ZNF747: variants seen among roughly 807,000 people sequenced by gnomAD.
ZNF747 encodes zinc finger protein 747, also known as KRAB domain-containing protein ZNF747.
In ZNF747, 14 loss-of-function variants were observed where a neutral mutation model predicts 13.4. The ratio of observed to expected loss-of-function variants is 1.04; its 90% CI spans 0.69 to 1.63. The LOEUF (loss-of-function observed/expected upper bound fraction) is 1.63. ZNF747 is among the 40% of genes most tolerant of loss of function. The probability of loss-of-function intolerance (pLI) is 0.00; values close to 1 mark genes in which losing one functional copy is unlikely to be tolerated. For synonymous variants in ZNF747, 212 were observed against 206.5 expected, an observed-to-expected ratio of 1.03 and a Z score of -0.23; for missense variants, 532 against 477.9, an observed-to-expected ratio of 1.11 and a Z score of -1.05.
Position 30,533,015 on chromosome 16 carries a change from C to T in ZNF747, c.480G>A (p.Lys160=). 11 of 1,611,878 alleles carry T rather than the reference C, an allele frequency of 6.8e-6. No individual in the cohort carries two copies. The highest frequency in any genetic ancestry group is 7.6e-6 in the Non-Finnish European group (9 of 1,179,858). The change falls in exon 3 of 3, where the codon AAG becomes AAA. Residue 160 remains lysine (K), a synonymous_variant. Coordinates refer to ENST00000693075, the MANE Select transcript of ZNF747 (RefSeq NM_001305018.2). ...APFAGLEQLS[K]ARRRSRPRFF... ...AGCGGGGGCGACTCCGGCGCCGGGC[C>T]TTGGACAGCTGCTCCAACCCGGCAA...
chr16:30,533,196 C>T (rs150221009), intron 2 of ZNF747, 45 bp from the exon 3 acceptor site: 83 of 1,610,880 alleles, frequency 5.2e-5, no homozygotes, highest in Non-Finnish European at 7.0e-5. Flanking sequence ...TCATCCTGGT[C>T]ATTGAATCCC....
In ZNF747 at chr16:30,532,417, C is replaced by G; in HGVS notation, c.*82G>C. On this transcript the variant is annotated 3_prime_UTR_variant, in exon 3 of 3. Coordinates refer to ENST00000693075, the MANE Select transcript of ZNF747 (RefSeq NM_001305018.2). Reference sequence around the variant, plus strand: ...GCTCTTGCGGTGGATTCTGGGACCTCCCTGCAGGCCGCTGCAGAGGTTCGG... The same window carrying G: ...GCTCTTGCGGTGGATTCTGGGACCTGCCTGCAGGCCGCTGCAGAGGTTCGG... The G allele has an allele frequency of 6.8e-7, 1 of 1,480,746 alleles. No homozygotes were observed. The highest frequency in any genetic ancestry group is 1.8e-4 in the Middle Eastern group (1 of 5,680). The allele number at this position is 1,480,746 out of a possible 1,614,324, so 91.7% of individuals were successfully genotyped here. A position where few individuals can be genotyped will look rare whatever the true frequency, so the allele number is the denominator to read the frequency against.
chr16:30,534,239 G>A lies in ZNF747; in HGVS notation c.301C>T (p.Gln101Ter), dbSNP rs757082944. ...EKAELWDPAA[Q>*]DPEVAKCPTE... ...GGACACTTCGCCACCTCCGGATCCT[G>A]GGCAGCCGGATCCCACAGTTCGGCC... is the stretch of plus-strand genomic sequence containing the variant. Residue 101 changes from glutamine (Q) to a stop codon, truncating the protein, a stop_gained, in exon 2 of 3, where the codon CAG becomes TAG. Coordinates refer to ENST00000693075, the MANE Select transcript of ZNF747 (RefSeq NM_001305018.2). LOFTEE classifies it low-confidence loss of function (END_TRUNC). The A allele has an allele frequency of 2.5e-6, 4 of 1,606,930 alleles. No individual in the cohort carries two copies. The highest frequency in any genetic ancestry group is 1.1e-5 in the South Asian group (1 of 89,614).
At position 30,532,708 on chromosome 16, in the gene ZNF747, C is replaced by A; in HGVS notation, c.787G>T (p.Glu263Ter). The A allele has an allele frequency of 6.5e-7, 1 of 1,539,260 alleles. No homozygotes were observed. Among genetic ancestry groups the A allele is most frequent in the East Asian group, 2.4e-5 (1 of 40,932 alleles). Residue 263 changes from glutamate to a stop codon, truncating the protein, a stop_gained, in exon 3 of 3, where the codon GAG (glutamate) becomes TAG (stop). Coordinates refer to ENST00000693075, the MANE Select transcript of ZNF747 (RefSeq NM_001305018.2). LOFTEE classifies it low-confidence loss of function (END_TRUNC). ...CACTGCGGGCAGCGGTAGGGCTTCT[C>A]GCCAGTGTGAACGCGCAGGTGAGAA... ...LTSHLRVHTGEKPYRCPQCGR... is the reference protein window; with the variant it reads ...LTSHLRVHTG
Position 30,532,524 on chromosome 16 carries a change from G to T in ZNF747, c.971C>A (p.Pro324Gln). The change falls in exon 3 of 3, where the codon CCA (proline) becomes CAA (glutamine). Residue 324 changes from proline to glutamine, a missense_variant. By Grantham distance (76) the Pro-to-Gln change is moderately conservative. Coordinates refer to ENST00000693075, the MANE Select transcript of ZNF747 (RefSeq NM_001305018.2). Reference sequence around the variant, plus strand: ...TCACCCACATTCCTGGAATATCTCTGGATACAGCTGGAAGCCCACAGGCGG... The same window carrying T: ...TCACCCACATTCCTGGAATATCTCTTGATACAGCTGGAAGCCCACAGGCGG... ...LDPPVGFQLY[P>Q]EIFQECG is the part of the protein sequence containing the mutation. 1 of 1,605,888 alleles carries T rather than the reference G, an allele frequency of 6.2e-7. No individual in the cohort carries two copies.
chr16:30,533,751 T>TA (rs544579318), intron 2 of ZNF747, among the ~76,000 whole-genome samples: 3,434 of 109,836 alleles, frequency 0.031, 202 homozygotes, highest in Admixed American at 0.17. Context: ...TTTTTTTAAT[T>TA]AAAAAAAAAA....
rs1390787394 is a variant in ZNF747 at position 30,534,493 on chromosome 16, GGTACAGGGCCCTCT to G, written c.173_186del (p.Gln58ProfsTer117). On this transcript the variant is annotated frameshift_variant, in exon 1 of 3. Transcript: ENST00000693075. LOFTEE classifies it high-confidence loss of function. ...CCGTAGGTCTCCCGCATCACGTCCC[GGTACAGGGCCCTCT>G]GCGCGGGCCGCAGGCAGCCCCACTC... 4 of 1,608,396 alleles carry G rather than the reference GGTACAGGGCCCTCT, an allele frequency of 2.5e-6. No homozygotes were observed. The highest frequency in any genetic ancestry group is 3.4e-6 in the Non-Finnish European group (4 of 1,177,804).
intron 2 of ZNF747, 77 bp from the exon 3 acceptor site, chr16:30,533,228 A>G: frequency 4.4e-6 from 7 of 1,587,612 alleles, no homozygotes; most frequent in Non-Finnish European, 6.0e-6. Context: ...GGACAGGGAC[A>G]GGCCTGCTGG....
Position 30,534,266 on chromosome 16 carries a change from T to C in ZNF747, c.274A>G (p.Lys92Glu), listed in dbSNP as rs374310387. 811 of 1,598,566 alleles carry C rather than the reference T, an allele frequency of 5.1e-4. 2 individuals carry two copies. Among genetic ancestry groups the C allele is most frequent in the Non-Finnish European group, 6.6e-4 (770 of 1,173,044 alleles). ...KPALISWVEE[K>E]AELWDPAAQD... The stretch of plus-strand genomic sequence containing the variant: ...GCAGCCGGATCCCACAGTTCGGCCT[T>C]CTCCTCCACCCAGGAGATGAGCGCC... Residue 92 changes from lysine (K) to glutamate (E), a missense_variant, in exon 2 of 3, where the codon AAG becomes GAG. Coordinates refer to ENST00000693075, the MANE Select transcript of ZNF747 (RefSeq NM_001305018.2).
chr16:30,530,507 A>G lies in ZNF747; in HGVS notation c.*1992T>C, dbSNP rs991539254. On this transcript the variant is annotated 3_prime_UTR_variant, in exon 3 of 3. Transcript: ENST00000693075. This position sits in a 1 kb window ranked among gnomAD's most constrained non-coding sequence, Gnocchi z 4.4. ...GTTAGGGGAGGGGACTGAGATGTACACTGGAAATTAAAACCTGGTACAAAG... is the reference window on the plus strand; with the variant it reads ...GTTAGGGGAGGGGACTGAGATGTACGCTGGAAATTAAAACCTGGTACAAAG... 1.3e-5 allele frequency: 2 copies of G among 152,138 alleles called. No individual in the cohort carries two copies. Among genetic ancestry groups the G allele is most frequent in the Non-Finnish European group, 2.9e-5 (2 of 68,054 alleles). The allele number at this position is 152,138 out of a possible 1,614,324, so 9.4% of individuals were successfully genotyped here.
At chr16:30,533,881 C>G (rs758612855) in intron 2 of ZNF747, among the ~76,000 whole-genome samples, 88 of 152,152 alleles carry the variant, frequency 5.8e-4, no homozygotes, top group Non-Finnish European at 1.2e-3. Context: ...CTGCAGTGAG[C>G]TATGATGGCG....
chr16:30,534,289 G>A lies in ZNF747; in HGVS notation c.251C>T (p.Ala84Val), dbSNP rs774614314. Residue 84 changes from alanine to valine, a missense_variant, in exon 2 of 3, where the codon GCG (alanine) becomes GTG (valine). Physicochemically the swap from Ala to Val is moderately conservative, Grantham distance 64 (BLOSUM62 0). Transcript: ENST00000693075. ...GALGVGGSKP[A>V]LISWVEEKAE... ...CTTCTCCTCCACCCAGGAGATGAGC[G>A]CCGGCTTGCTGCCTCCGACTCCTGG... is the stretch of plus-strand genomic sequence containing the variant. The A allele has an allele frequency of 6.3e-7, 1 of 1,584,634 alleles. No homozygotes were observed. The highest frequency in any genetic ancestry group is 1.1e-5 in the South Asian group (1 of 87,140).
At position 30,532,936 on chromosome 16, in the gene ZNF747, A is replaced by C. The variant is rs2051399991; in HGVS notation, c.559T>G (p.Cys187Gly). 1.2e-6 allele frequency: 2 copies of C among 1,605,560 alleles called. No homozygotes were observed. Among genetic ancestry groups the C allele is most frequent in the Admixed American group, 1.7e-5 (1 of 59,322 alleles). The change falls in exon 3 of 3, where the codon TGC becomes GGC. Residue 187 changes from cysteine to glycine, a missense_variant. By Grantham distance (159) the Cys-to-Gly change is radical. Transcript: ENST00000693075. ...GAGCGCCAGGCGAAGCTCTTCCCGCACACGTAGCAGCCGTGACGCTGGTCA... is the reference window on the plus strand; with the variant it reads ...GAGCGCCAGGCGAAGCTCTTCCCGCCCACGTAGCAGCCGTGACGCTGGTCA... ...RADQRHGCYV[C>G]GKSFAWRSTL...
In ZNF747 at chr16:30,534,599, C is replaced by G; in HGVS notation, c.81G>C (p.Ala27=). The G allele has an allele frequency of 2.5e-6, 4 of 1,599,350 alleles. No homozygotes were observed. Among genetic ancestry groups the G allele is most frequent in the Admixed American group, 1.7e-5 (1 of 58,668 alleles). Residue 27 remains alanine (A), a synonymous_variant, in exon 1 of 3, where the codon GCG becomes GCC. Coordinates refer to ENST00000693075, the MANE Select transcript of ZNF747 (RefSeq NM_001305018.2). ...APLPPRDPNG[A]GSEWRKPGAV... is the part of the protein sequence containing the mutation. ...CCCCGGGCTTTCTCCACTCGGATCC[C>G]GCCCCGTTTGGGTCCCGGGGAGGGA... is the stretch of plus-strand genomic sequence containing the variant.
intron 2 of ZNF747, 33 bp from the exon 3 acceptor site, chr16:30,533,184 G>C (rs781193353): frequency 1.2e-5 from 20 of 1,611,590 alleles, no homozygotes; most frequent in Admixed American, 6.7e-5. Context: ...TTCAGGCTTG[G>C]CTCATCCTGG....
In ZNF747 at chr16:30,534,780, G is replaced by A. The variant is rs1396163887; in HGVS notation, c.-101C>T. 4.2e-6 allele frequency: 6 copies of A among 1,429,168 alleles called. No homozygotes were observed. Among genetic ancestry groups the A allele is most frequent in the Non-Finnish European group, 5.5e-6 (6 of 1,091,696 alleles). The allele number at this position is 1,429,168 out of a possible 1,614,324, so 88.5% of individuals were successfully genotyped here. On this transcript the variant is annotated 5_prime_UTR_variant, in exon 1 of 3. Coordinates refer to ENST00000693075, the MANE Select transcript of ZNF747 (RefSeq NM_001305018.2). ...AGGGACGTCAGTAGAGCCCCCGAAG[G>A]CCCACTAGAGGGGATGGAAACTAAG...
chr16:30,534,796 G>A lies in ZNF747; in HGVS notation c.-117C>T. The A allele has an allele frequency of 1.3e-5, 18 of 1,381,336 alleles. No homozygotes were observed. The highest frequency in any genetic ancestry group is 1.6e-5 in the Non-Finnish European group (17 of 1,050,668). 85.6% of individuals were successfully genotyped at this position (1,381,336 alleles called of 1,614,324 possible). A position where few individuals can be genotyped will look rare whatever the true frequency, so the allele number is the denominator to read the frequency against. On this transcript the variant is annotated 5_prime_UTR_variant, in exon 1 of 3. Transcript: ENST00000693075. ...CCCCCGAAGGCCCACTAGAGGGGAT[G>A]GAAACTAAGGGCCGATGGCTGCGAG...
Position 30,531,272 on chromosome 16 carries a change from C to G in ZNF747, c.*1227G>C, listed in dbSNP as rs1308225071. 1.3e-5 allele frequency: 2 copies of G among 152,204 alleles called. No individual in the cohort carries two copies. Among genetic ancestry groups the G allele is most frequent in the East Asian group, 3.8e-4 (2 of 5,198 alleles). 9.4% of individuals were successfully genotyped at this position (152,204 alleles called of 1,614,324 possible). ...CCACAGTAAGTTGGGAGTTCTGGCT[C>G]CGGCCCAACTCCCAACAACTGCGAC... On this transcript the variant is annotated 3_prime_UTR_variant, in exon 3 of 3. Transcript: ENST00000693075.
At chr16:30,533,589 G>A (rs1273405662) in intron 2 of ZNF747, among the ~76,000 whole-genome samples, 2 of 151,974 alleles carry the variant, frequency 1.3e-5, no homozygotes, top group African/African-American at 2.4e-5. Flanking sequence ...CGACTGGAGC[G>A]GGTCATGATG....
Sources: gnomAD v4.1 joint callset for allele counts (sites outside exome capture counted in the v4.1 genomes callset) on GRCh38, gnomAD v4.1.1 for gene constraint, Gnocchi (gnomAD v3.1) non-coding constraint, MANE v1.5 for transcripts, NCBI Gene and HGNC (gene_info 2026-07-23, HGNC 2026-07-21) for gene names.